CDH12: variants seen among roughly 807,000 people sequenced by gnomAD.
CDH12 encodes cadherin-12.
A neutral mutation model predicts 74.1 loss-of-function variants in CDH12; 41 were observed. The observed-to-expected ratio is 0.55, with a 90% CI of 0.43 to 0.72. The LOEUF (loss-of-function observed/expected upper bound fraction) is 0.72, where lower values mean the gene tolerates loss of function less well. Among genes scored for constraint, CDH12 ranks in the 30% least tolerant of loss-of-function variants. The pLI is 0.00. For synonymous variants in CDH12, 399 were observed against 355.0 expected (o/e 1.12, Z -1.39); for missense variants, 945 against 977.2 (o/e 0.97, Z 0.44).
At chr5:22,781,233 A>C (rs1364155448) in intron 1 of CDH12, among the ~76,000 whole-genome samples, 2 of 152,230 alleles carry the variant, frequency 1.3e-5, no homozygotes, top group Non-Finnish European at 1.5e-5. Context: ...AAAGCTTTAC[A>C]GCTCCTAACC....
intron 2 of CDH12, among the ~76,000 whole-genome samples, chr5:22,418,752 C>T (rs1355023710): frequency 1.3e-5 from 2 of 152,046 alleles, no homozygotes; most frequent in African/African-American, 4.8e-5. Context: ...GGCATGGTGG[C>T]AGGCTCCTGT....
intron 3 of CDH12, among the ~76,000 whole-genome samples, chr5:22,231,525 A>G (rs1228730299): frequency 6.6e-6 from 1 of 152,088 alleles, no homozygotes; most frequent in Admixed American, 6.6e-5. Context: ...GCTAGTGCCA[A>G]AATAACTCTT....
chr5:22,390,711 A>G (rs775409953), intron 3 of CDH12, among the ~76,000 whole-genome samples: 77 of 152,290 alleles, frequency 5.1e-4, no homozygotes, highest in Middle Eastern at 3.4e-3. Context: ...CAATGGCTGT[A>G]TTAATAGTGG....
chr5:22,735,504 C>T (rs141923047), intron 1 of CDH12, among the ~76,000 whole-genome samples: 3,490 of 151,836 alleles, frequency 0.023, 54 homozygotes, highest in Admixed American at 0.034. Flanking sequence ...ATATACTATG[C>T]CATGGTATAT....
Position 21,802,253 on chromosome 5 carries a change from G to A in CDH12, c.1170C>T (p.Thr390=), listed in dbSNP as rs781344598. Reference sequence around the variant, plus strand: ...CCGGAGTGTCTTCATAAACCTCCATGGTGTAGAGCGGCTTGCTGAAAACCG... The same window carrying A: ...CCGGAGTGTCTTCATAAACCTCCATAGTGTAGAGCGGCTTGCTGAAAACCG... ...EPPVFSKPLY[T]MEVYEDTPVG... Residue 390 remains threonine (T), a synonymous_variant, in exon 10 of 15, where the codon ACC becomes ACT. Coordinates refer to ENST00000382254, the MANE Select transcript of CDH12 (RefSeq NM_004061.5). 1 of 1,613,868 alleles carries A rather than the reference G, an allele frequency of 6.2e-7. No individual in the cohort carries two copies. Among genetic ancestry groups the A allele is most frequent in the South Asian group, 1.1e-5 (1 of 91,080 alleles).
intron 4 of CDH12, among the ~76,000 whole-genome samples, chr5:22,185,097 T>C (rs1749856602): frequency 6.6e-6 from 1 of 152,148 alleles, no homozygotes. Flanking sequence ...TATCTAAAGA[T>C]GTGTGCTTAT....
rs115694179 is a variant in CDH12, at chr5:22,310,640, G to T, written c.-333+94617C>A. 1.6e-3 allele frequency among the ~76,000 whole-genome samples: 236 copies of T among 152,140 alleles called. 2 individuals carry two copies. The highest frequency in any genetic ancestry group is 5.3e-3 in the African/African-American group (219 of 41,500). Reference sequence around the variant, plus strand: ...ACCATCCAATAGCATCTACCCAAAAGAAAAAGCCAATTGGTCTTGTTATCC... The same window carrying T: ...ACCATCCAATAGCATCTACCCAAAATAAAAAGCCAATTGGTCTTGTTATCC... On this transcript the variant is annotated intron_variant, in intron 3 of 14. Coordinates refer to ENST00000382254, the MANE Select transcript of CDH12 (RefSeq NM_004061.5).
chr5:21,851,486 T>C (rs919061813), intron 7 of CDH12, among the ~76,000 whole-genome samples: 2 of 150,534 alleles, frequency 1.3e-5, no homozygotes, highest in Non-Finnish European at 3.0e-5. Flanking sequence ...TAATACAATA[T>C]GTTAATATAA....
intron 5 of CDH12, among the ~76,000 whole-genome samples, chr5:22,018,292 TA>T (rs1412883547): frequency 6.6e-6 from 1 of 152,140 alleles, no homozygotes; most frequent in East Asian, 1.9e-4. Flanking sequence ...GAGCTTACCA[TA>T]AAAAATGATA....
At chr5:22,637,321 G>T (rs1464341376) in intron 1 of CDH12, among the ~76,000 whole-genome samples, 2 of 152,170 alleles carry the variant, frequency 1.3e-5, no homozygotes, top group African/African-American at 4.8e-5. Flanking sequence ...TGGAAAACAT[G>T]TGAAGAAAAT....
intron 6 of CDH12, among the ~76,000 whole-genome samples, chr5:21,945,095 A>G (rs1489966804): frequency 6.6e-6 from 1 of 151,784 alleles, no homozygotes; most frequent in Admixed American, 6.6e-5. Context: ...CATAACCTGA[A>G]TAAGAGAAAG....
intron 1 of CDH12, among the ~76,000 whole-genome samples, chr5:22,829,592 C>T (rs1364379448): frequency 6.6e-6 from 1 of 152,110 alleles, no homozygotes; most frequent in Non-Finnish European, 1.5e-5. Flanking sequence ...GTCTTGTTTG[C>T]CTAATGTGAT....
At chr5:21,970,507 T>C (rs909877706) in intron 6 of CDH12, among the ~76,000 whole-genome samples, 9 of 152,114 alleles carry the variant, frequency 5.9e-5, no homozygotes, top group Admixed American at 5.9e-4. Context: ...AGTCTTCACT[T>C]TTCCTTCTTA....
At chr5:22,235,664 T>C (rs1752536580) in intron 3 of CDH12, among the ~76,000 whole-genome samples, 1 of 152,212 alleles carries the variant, frequency 6.6e-6, no homozygotes, top group Admixed American at 6.5e-5. Flanking sequence ...AAACATTAAT[T>C]TTGATATTAT....
At chr5:22,338,674 T>C (rs1006066402) in intron 3 of CDH12, among the ~76,000 whole-genome samples, 1 of 152,210 alleles carries the variant, frequency 6.6e-6, no homozygotes, top group Non-Finnish European at 1.5e-5. Context: ...ATATCTCATG[T>C]ACCCCATAAA....
intron 1 of CDH12, among the ~76,000 whole-genome samples, chr5:22,788,969 C>T (rs1351091221): frequency 6.6e-6 from 1 of 151,700 alleles, no homozygotes; most frequent in South Asian, 2.1e-4. Flanking sequence ...TCAAATGATG[C>T]ATATTTCAAA....
At chr5:21,865,619 G>A (rs1751285032) in intron 6 of CDH12, among the ~76,000 whole-genome samples, 1 of 152,128 alleles carries the variant, frequency 6.6e-6, no homozygotes, top group African/African-American at 2.4e-5. Flanking sequence ...CATGTCTCAA[G>A]TGGGCCCAGG....
chr5:22,169,352 C>G (rs951298937), intron 4 of CDH12, among the ~76,000 whole-genome samples: 1 of 152,026 alleles, frequency 6.6e-6, no homozygotes, highest in Admixed American at 6.6e-5. Flanking sequence ...CAAAGTTCTT[C>G]CTTACAGTTG....
At chr5:22,560,261 T>C (rs1392675893) in intron 1 of CDH12, among the ~76,000 whole-genome samples, 1 of 152,190 alleles carries the variant, frequency 6.6e-6, no homozygotes, top group Non-Finnish European at 1.5e-5. Flanking sequence ...TGCACCATTC[T>C]TGGAAGCATG....
Sources: gnomAD v4.1 joint callset for allele counts (sites outside exome capture counted in the v4.1 genomes callset) on GRCh38, gnomAD v4.1.1 for gene constraint, MANE v1.5 for transcripts, NCBI Gene and HGNC (gene_info 2026-07-23, HGNC 2026-07-21) for gene names.